ABR: variants seen among roughly 807,000 people sequenced by gnomAD.
ABR encodes the protein active breakpoint cluster region-related protein.
Under a neutral mutation model 107.2 loss-of-function variants are expected in ABR, and 35 were observed. That is an observed-to-expected ratio of 0.33 (90% confidence interval 0.25 to 0.43). The LOEUF is 0.43. ABR is among the 20% of genes least tolerant of loss of function. ABR has a pLI of 1.00. For missense variants in ABR, 815 were observed against 1,115.2 expected, an observed-to-expected ratio of 0.73 and a Z score of 3.83; for synonymous variants, 498 against 462.0, an observed-to-expected ratio of 1.08 and a Z score of -1.00.
At chr17:1,028,994 C>T (rs1428818606) in intron 16 of ABR, among the ~76,000 whole-genome samples, 2 of 151,532 alleles carry the variant, frequency 1.3e-5, no homozygotes, top group African/African-American at 4.9e-5. Context: ...AAGCGAGAAT[C>T]TAGAATTCAG....
intron 16 of ABR, among the ~76,000 whole-genome samples, chr17:1,039,249 G>A (rs1209612628): frequency 1.3e-5 from 2 of 152,100 alleles, no homozygotes; most frequent in African/African-American, 2.4e-5. Flanking sequence ...TGCTGAGGCG[G>A]CACTTCCCAG....
At chr17:1,049,341 T>C (rs1165675472) in intron 16 of ABR, among the ~76,000 whole-genome samples, 1 of 152,080 alleles carries the variant, frequency 6.6e-6, no homozygotes, top group Non-Finnish European at 1.5e-5. Context: ...CTAATTTTTG[T>C]ATTTTTAGTA....
At chr17:1,138,938 G>A (rs1295959246) in intron 1 of ABR, among the ~76,000 whole-genome samples, 1 of 152,156 alleles carries the variant, frequency 6.6e-6, no homozygotes, top group Admixed American at 6.5e-5. Context: ...GACAGAATGG[G>A]GTTTTTATAA....
intron 6 of ABR, 97 bp downstream of exon 6, chr17:1,079,233 G>A (rs969140347): frequency 5.9e-6 from 9 of 1,523,728 alleles, no homozygotes; most frequent in African/African-American, 2.8e-5. Flanking sequence ...TCACACACAC[G>A]CACACACAAG....
chr17:1,022,271 G>C (rs1156390813), intron 16 of ABR, among the ~76,000 whole-genome samples: 1 of 152,190 alleles, frequency 6.6e-6, no homozygotes, highest in Non-Finnish European at 1.5e-5. Context: ...GTCTGAGGGT[G>C]GGCACGTTTC....
upstream of ABR, among the ~76,000 whole-genome samples, chr17:1,181,118 G>C (rs1445847359): frequency 6.6e-6 from 1 of 152,010 alleles, no homozygotes; most frequent in East Asian, 1.9e-4. Flanking sequence ...GGAAGGTTAA[G>C]TCAGCCTGGC....
chr17:1,086,113 T>A (rs1192431426), intron 4 of ABR, among the ~76,000 whole-genome samples: 2 of 152,052 alleles, frequency 1.3e-5, no homozygotes, highest in Non-Finnish European at 2.9e-5. Context: ...ATCACTGCAC[T>A]CCAGCCTGGG....
chr17:1,035,922 G>A (rs2073152098), intron 16 of ABR, among the ~76,000 whole-genome samples: 1 of 151,478 alleles, frequency 6.6e-6, no homozygotes, highest in African/African-American at 2.4e-5. Flanking sequence ...GGTGTTCAGT[G>A]GCGGCATCAA....
rs1476923505 is a variant in ABR at position 1,131,265 on chromosome 17, TCC to T, written c.62-5900_62-5899del. ...ATGCAGTGCCTGCCACGCACACAGC[TCC>T]CCCCTTTGCACACCAAATGCAGTGC... On this transcript the variant is annotated intron_variant, in intron 1 of 22. Transcript: ENST00000302538. 5.7e-3 allele frequency among the ~76,000 whole-genome samples: 129 copies of T among 22,676 alleles called. 19 individuals are homozygous for T. Among genetic ancestry groups the T allele is most frequent in the Non-Finnish European group, 6.3e-3 (82 of 12,948 alleles). 14.9% of individuals were successfully genotyped at this position (22,676 alleles called of 152,430 possible).
chr17:1,169,896 G>A (rs935597252), intron 1 of ABR, among the ~76,000 whole-genome samples: 6 of 151,866 alleles, frequency 4.0e-5, no homozygotes, highest in African/African-American at 1.5e-4. Context: ...TAGAAACTGG[G>A]CACTGGCCCT....
At position 1,009,908 on chromosome 17, in the gene ABR, C is replaced by T. The variant is rs920954733; in HGVS notation, c.2237-124G>A. ...GGCTTCCAGGCCTTTGGGGAGCAGA[C>T]CCCACAGGGGAGGGCCTGGTGTCTG... On this transcript the variant is annotated intron_variant, in intron 20 of 22. Transcript: ENST00000302538. 34 of 809,514 alleles carry T rather than the reference C, an allele frequency of 4.2e-5. No homozygotes were observed. In the East Asian group the frequency reaches 9.0e-4, roughly 21 times the overall value. The allele number at this position is 809,514 out of a possible 1,614,324, so 50.1% of individuals were successfully genotyped here.
chr17:1,201,104 TCAG>T (rs1053587940), intron 1 of ABR, among the ~76,000 whole-genome samples: 9 of 152,196 alleles, frequency 5.9e-5, no homozygotes, highest in African/African-American at 2.2e-4. Flanking sequence ...AATAAAATGA[TCAG>T]AGGAGCAGCC....
At chr17:1,031,110 G>A (rs1330544781) in intron 16 of ABR, among the ~76,000 whole-genome samples, 1 of 152,180 alleles carries the variant, frequency 6.6e-6, no homozygotes, top group Non-Finnish European at 1.5e-5. Context: ...GTCCCTGAAG[G>A]GAAGCCTCGA....
intron 1 of ABR, among the ~76,000 whole-genome samples, chr17:1,226,679 ATG>A (rs1208318329): frequency 7.2e-6 from 1 of 138,810 alleles, no homozygotes; most frequent in East Asian, 2.1e-4. Flanking sequence ...ACAGTATGCC[ATG>A]TGTTTACATG....
At chr17:1,173,970 A>G (rs1270926013) in intron 1 of ABR, among the ~76,000 whole-genome samples, 2 of 151,906 alleles carry the variant, frequency 1.3e-5, no homozygotes, top group Non-Finnish European at 2.9e-5. Context: ...TCCACACAAC[A>G]CCCACGAGAG....
intron 13 of ABR, 151 bp downstream of exon 13, chr17:1,056,847 A>G (rs2033336808): frequency 5.3e-6 from 3 of 570,418 alleles, no homozygotes; most frequent in Non-Finnish European, 9.7e-6. Flanking sequence ...ACCCCTACCC[A>G]AGCTGTGTCC....
At chr17:1,018,254 G>C (rs371054376) in intron 16 of ABR, among the ~76,000 whole-genome samples, 49 of 151,604 alleles carry the variant, frequency 3.2e-4, no homozygotes, top group East Asian at 5.9e-4. Flanking sequence ...GTGTTAGCCA[G>C]GATGGTCTTG....
chr17:1,182,243 A>C (rs2042157944), upstream of ABR: 1 of 152,032 alleles, frequency 6.6e-6, no homozygotes, highest in Non-Finnish European at 1.5e-5. Flanking sequence ...TGTCACTGTT[A>C]TCTCTGTTTT....
intron 16 of ABR, among the ~76,000 whole-genome samples, chr17:1,028,819 T>C (rs2072460234): frequency 6.6e-6 from 1 of 152,036 alleles, no homozygotes; most frequent in African/African-American, 2.4e-5. Flanking sequence ...GTCAGGAGCG[T>C]CTTGGACTTG....
Sources: gnomAD v4.1 joint callset for allele counts (sites outside exome capture counted in the v4.1 genomes callset) on GRCh38, gnomAD v4.1.1 for gene constraint, MANE v1.5 for transcripts, NCBI Gene and HGNC (gene_info 2026-07-23, HGNC 2026-07-21) for gene names.